ARHGEF10: variants seen among roughly 807,000 people sequenced by gnomAD.
ARHGEF10 encodes the protein Rho guanine nucleotide exchange factor 10.
Under a neutral mutation model 147.4 loss-of-function variants are expected in ARHGEF10, and 140 were observed. The ratio of observed to expected loss-of-function variants is 0.95; its 90% confidence interval spans 0.83 to 1.09. The LOEUF is 1.09. Ranked by LOEUF, ARHGEF10 falls within the 50% of genes least tolerant of loss-of-function variation. The pLI, the probability that ARHGEF10 is intolerant of heterozygous loss-of-function variation, is 0.00. For missense variants in ARHGEF10, 2,222 were observed against 1,752.7 expected (o/e 1.27, Z -4.78); for synonymous variants, 902 against 695.8 (o/e 1.30, Z -4.67).
rs767677056 is a variant in ARHGEF10 at position 1,957,222 on chromosome 8, C to T, written c.3994C>T (p.Pro1332Ser). 5 of 1,611,864 alleles carry T rather than the reference C, an allele frequency of 3.1e-6. No individual in the cohort carries two copies. Among genetic ancestry groups the T allele is most frequent in the Non-Finnish European group, 4.2e-6 (5 of 1,179,890 alleles). ...ARQPHQEELA[P>S]TVMVWQIPLL... ...GCAGCCCCACCAGGAAGAGCTGGCG[C>T]CGACCGTCATGGTCTGGCAGATCCC... is the stretch of plus-strand genomic sequence containing the variant. Residue 1332 changes from proline (P) to serine (S), a missense_variant, in exon 29 of 29, where the codon CCG becomes TCG. Pro to Ser is a moderately conservative substitution (Grantham distance 74). Transcript: ENST00000349830.
intron 18 of ARHGEF10, among the ~76,000 whole-genome samples, chr8:1,920,484 G>A (rs1238159109): frequency 1.5e-5 from 2 of 130,326 alleles, no homozygotes; most frequent in Non-Finnish European, 3.2e-5. Flanking sequence ...CACAATGCCT[G>A]GCTAATTTTT....
chr8:1,835,021 G>A (rs1171515879), intron 1 of ARHGEF10, among the ~76,000 whole-genome samples: 2 of 152,248 alleles, frequency 1.3e-5, no homozygotes, highest in African/African-American at 2.4e-5. Context: ...CCGCCACAAC[G>A]CTCTGAGCTC....
At chr8:1,887,846 G>C (rs1808824293) in intron 11 of ARHGEF10, among the ~76,000 whole-genome samples, 1 of 148,062 alleles carries the variant, frequency 6.8e-6, no homozygotes, top group Non-Finnish European at 1.5e-5. Flanking sequence ...AGGAGACACT[G>C]AGTGGGATGT....
intron 7 of ARHGEF10, chr8:1,869,494 G>A (rs536831731): frequency 1.6e-6 from 1 of 625,902 alleles, no homozygotes; most frequent in South Asian, 1.7e-5. Flanking sequence ...GAGGAGTAAA[G>A]GTACAGAAAA....
In ARHGEF10 at chr8:1,945,493, G is replaced by T. The variant is rs200108151; in HGVS notation, c.3235G>T (p.Ala1079Ser). 5 of 1,603,726 alleles carry T rather than the reference G, an allele frequency of 3.1e-6. No homozygotes were observed. In the East Asian group the frequency reaches 1.1e-4, roughly 36 times the overall value. ...CTCGATTTCACAGGGTCAGCTGGAG[G>T]CCCACCAGGAGGAAGGCATGGTGAT... The part of the protein sequence containing the change: ...ETHAVEGQLE[A>S]HQEEGMVISH... The change falls in exon 27 of 29, where the codon GCC (alanine) becomes TCC (serine). Residue 1079 changes from alanine to serine, a missense_variant. Physicochemically the swap from Ala to Ser is moderately conservative, Grantham distance 99. Coordinates refer to ENST00000349830, the MANE Select transcript of ARHGEF10 (RefSeq NM_014629.4).
Position 1,866,507 on chromosome 8 carries a change from A to C in ARHGEF10, c.546-19A>C. 1 of 1,611,788 alleles carries C rather than the reference A, an allele frequency of 6.2e-7. No homozygotes were observed. The highest frequency in any genetic ancestry group is 2.2e-5 in the East Asian group (1 of 44,846). On this transcript the variant is annotated intron_variant, in intron 5 of 28. Coordinates refer to ENST00000349830, the MANE Select transcript of ARHGEF10 (RefSeq NM_014629.4). ...GGCTGTGCCTGGATATTCTGACTTT[A>C]TGGTTTGTTTTCTTTAAGTGAAGAT...
At chr8:1,944,686 A>G (rs1050440778) in intron 26 of ARHGEF10, among the ~76,000 whole-genome samples, 3 of 152,182 alleles carry the variant, frequency 2.0e-5, no homozygotes, top group African/African-American at 7.2e-5. Context: ...AGTTTCTTTA[A>G]TTTCAAGAGC....
Position 1,948,107 on chromosome 8 carries a change from G to T in ARHGEF10, c.3397+2452G>T, listed in dbSNP as rs181337691. 2.0e-5 allele frequency among the ~76,000 whole-genome samples: 3 copies of T among 152,104 alleles called. No homozygotes were observed. The South Asian group carries it at 6.2e-4, about 32-fold the overall frequency. ...ACCCTTCAGCTCATAGTTTCCAGGC[G>T]GCCGATGATGGATCCATCCCAAGCC... On this transcript the variant is annotated intron_variant, in intron 27 of 28. Transcript: ENST00000349830. This position sits in a 1 kb window ranked among gnomAD's most constrained non-coding sequence, Gnocchi z 4.9.
chr8:1,897,775 G>A (rs1276932996), intron 14 of ARHGEF10, among the ~76,000 whole-genome samples: 5 of 152,174 alleles, frequency 3.3e-5, no homozygotes, highest in African/African-American at 4.8e-5. Flanking sequence ...GATGCCAGCC[G>A]TGGCCGTGAC....
intron 1 of ARHGEF10, among the ~76,000 whole-genome samples, chr8:1,839,579 GAAGCT>G (rs1803831038): frequency 7.0e-6 from 1 of 142,540 alleles, no homozygotes; most frequent in Non-Finnish European, 1.5e-5. Context: ...GTCTGGTGTG[GAAGCT>G]GTCTGGTGTG....
In ARHGEF10 at chr8:1,859,940, G is replaced by C. The variant is rs756350599; in HGVS notation, c.237G>C (p.Glu79Asp). The change falls in exon 4 of 29, where the codon GAG (glutamate) becomes GAC (aspartate). Residue 79 changes from glutamate (E) to aspartate (D), a missense_variant. Coordinates refer to ENST00000349830, the MANE Select transcript of ARHGEF10 (RefSeq NM_014629.4). ...GAGAETTPVA[E>D]PTKLVLPMKV... ...GAGCAGAAACCACCCCAGTGGCAGA[G>C]CCTACTAAGCTGGTGCTCCCGATGA... 1.9e-6 allele frequency: 3 copies of C among 1,614,178 alleles called. No individual in the cohort carries two copies. The East Asian group carries it at 6.7e-5, about 36-fold the overall frequency.
In ARHGEF10 at chr8:1,859,952, G is replaced by T; in HGVS notation, c.249G>T (p.Leu83=). The change falls in exon 4 of 29, where the codon CTG becomes CTT. Residue 83 remains leucine, a synonymous_variant. Transcript: ENST00000349830. ...ETTPVAEPTK[L]VLPMKVNPYS... ...CCCCAGTGGCAGAGCCTACTAAGCT[G>T]GTGCTCCCGATGAAAGTCAACCCAT... 1.2e-6 allele frequency: 2 copies of T among 1,614,172 alleles called. No homozygotes were observed.
Position 1,868,631 on chromosome 8 carries a change from T to C in ARHGEF10, c.623-563T>C, listed in dbSNP as rs3817694. On this transcript the variant is annotated intron_variant, in intron 6 of 28. Coordinates refer to ENST00000349830, the MANE Select transcript of ARHGEF10 (RefSeq NM_014629.4). ...ACAGATTGAGAAACACTGTCCTATA[T>C]GTTTAGCATTTTGATACTTGCTACT... Among the ~76,000 whole-genome samples, 29 of 152,336 alleles carry C rather than the reference T, an allele frequency of 1.9e-4. No individual in the cohort carries two copies. The East Asian group carries it at 4.6e-3, about 24-fold the overall frequency.
At chr8:1,950,451 C>A (rs1176003018) in intron 27 of ARHGEF10, among the ~76,000 whole-genome samples, 2 of 152,196 alleles carry the variant, frequency 1.3e-5, no homozygotes, top group African/African-American at 4.8e-5. Flanking sequence ...TCTTTTACGT[C>A]GTTCCTGGGT....
chr8:1,863,972 C>T (rs1806367123), intron 4 of ARHGEF10, among the ~76,000 whole-genome samples: 3 of 152,018 alleles, frequency 2.0e-5, no homozygotes, highest in East Asian at 1.9e-4. Context: ...CAGTCACAGC[C>T]GTGGCTCCTG....
intron 24 of ARHGEF10, 30 bp downstream of exon 24, chr8:1,928,680 T>C (rs1812876742): frequency 2.5e-6 from 4 of 1,611,378 alleles, no homozygotes; most frequent in African/African-American, 1.3e-5. Flanking sequence ...TTACAGAGAA[T>C]TAGCAAGCTC....
At chr8:1,939,603 A>T (rs946884835) in intron 26 of ARHGEF10, among the ~76,000 whole-genome samples, 1 of 152,256 alleles carries the variant, frequency 6.6e-6, no homozygotes, top group Non-Finnish European at 1.5e-5. Flanking sequence ...GGCCCTCGGC[A>T]GCTGCCTAGG....
chr8:1,883,748 A>G (rs147535158), intron 10 of ARHGEF10, among the ~76,000 whole-genome samples: 63 of 152,250 alleles, frequency 4.1e-4, no homozygotes, highest in Non-Finnish European at 6.2e-4. Flanking sequence ...TCAGGGCAGC[A>G]AAGGACAGCC....
At chr8:1,888,146 TAGTGGGGCGAGGGTTGCGAGGAGACAGTG>T (rs1285984887) in intron 11 of ARHGEF10, among the ~76,000 whole-genome samples, 500 of 35,260 alleles carry the variant, frequency 0.014, 59 homozygotes, top group Non-Finnish European at 0.015. Flanking sequence ...AGGAGACACT[TAGTGGGGCGAGGGTTGCGAGGAGACAGTG>T]AGTGGGGTGA....
Sources: gnomAD v4.1 joint callset for allele counts (sites outside exome capture counted in the v4.1 genomes callset) on GRCh38, gnomAD v4.1.1 for gene constraint, Gnocchi (gnomAD v3.1) non-coding constraint, MANE v1.5 for transcripts, NCBI Gene and HGNC (gene_info 2026-07-23, HGNC 2026-07-21) for gene names.